ABI3BP: variants seen among roughly 807,000 people sequenced by gnomAD.
The protein encoded by ABI3BP is target of Nesh-SH3.
In ABI3BP, 216 loss-of-function variants were observed where a neutral mutation model predicts 268.6. The observed-to-expected ratio is 0.80, with a 90% CI of 0.72 to 0.90. ABI3BP has a LOEUF of 0.90. Among genes scored for constraint, ABI3BP ranks in the 40% least tolerant of loss-of-function variants. The probability of loss-of-function intolerance (pLI) is 0.00; values close to 1 mark genes in which losing one functional copy is unlikely to be tolerated. For missense variants in ABI3BP, 2,090 were observed against 2,182.4 expected (o/e 0.96, Z 0.84); for synonymous variants, 730 against 730.0 (o/e 1.00, Z 0.00).
At chr3:100,911,932 T>G in intron 2 of ABI3BP, 1 of 1,145,762 alleles carries the variant, frequency 8.7e-7, no homozygotes, top group Non-Finnish European at 1.3e-6. Context: ...GAGAATATTT[T>G]CTTCAGTGCT....
rs2098179535 is a variant in ABI3BP, at chr3:100,820,210, C to G, written c.3031+10G>C. 8 of 1,534,540 alleles carry G rather than the reference C, an allele frequency of 5.2e-6. No homozygotes were observed. The highest frequency in any genetic ancestry group is 7.0e-6 in the Non-Finnish European group (8 of 1,145,790). On this transcript the variant is annotated intron_variant, in intron 40 of 67. Coordinates refer to ENST00000471714, the MANE Select transcript of ABI3BP (RefSeq NM_001375547.2). ...AGGATGAGCTACTTTAACCAGAAAC[C>G]CAAATTTACCCAGTTTGGTTTGAGG...
At chr3:100,852,533 A>G in intron 14 of ABI3BP, among the ~76,000 whole-genome samples, 1 of 152,148 alleles carries the variant, frequency 6.6e-6, no homozygotes, top group East Asian at 1.9e-4. Context: ...TTTTTAGATA[A>G]CCAAGTTGTG....
rs140530036 is a variant in ABI3BP, at chr3:100,832,332, T to TTTG, written c.2330_2332dup (p.Thr777dup). The TTTG allele has an allele frequency of 8.7e-5, 133 of 1,535,294 alleles. 1 individual carries two copies. In the East Asian group the frequency reaches 2.3e-3, roughly 26 times the overall value. ...TTTGGGATGTGGACGACGGGTTCTT[T>TTTG]TTGTTGTTGTTGTTGGAGCTGAAGG... On this transcript the variant is annotated inframe_insertion, in exon 31 of 68. Transcript: ENST00000471714.
At chr3:100,796,490 A>G in intron 51 of ABI3BP, 22 bp from the exon 52 acceptor site, 1 of 1,578,210 alleles carries the variant, frequency 6.3e-7, no homozygotes, top group Non-Finnish European at 8.6e-7. Context: ...AGATTATAAA[A>G]CACTGCATAC....
chr3:100,935,987 T>C (rs2065951727), intron 1 of ABI3BP, among the ~76,000 whole-genome samples: 1 of 151,778 alleles, frequency 6.6e-6, no homozygotes, highest in South Asian at 2.1e-4. Context: ...CTTGCCTGAT[T>C]GCCCTGGCCA....
At chr3:100,981,069 A>G (rs1218714669) in intron 1 of ABI3BP, among the ~76,000 whole-genome samples, 1 of 152,214 alleles carries the variant, frequency 6.6e-6, no homozygotes, top group Admixed American at 6.5e-5. Flanking sequence ...TAGGAATGCT[A>G]TGGTGTGAAT....
chr3:100,895,075 T>C (rs1429007087), intron 4 of ABI3BP, among the ~76,000 whole-genome samples: 1 of 151,260 alleles, frequency 6.6e-6, no homozygotes, highest in African/African-American at 2.4e-5. Context: ...AAAGCAATCT[T>C]GAAATCTTTA....
In ABI3BP at chr3:100,812,540, A is replaced by G. The variant is rs762718041; in HGVS notation, c.3365-17T>C. On this transcript the variant is annotated splice_polypyrimidine_tract_variant and intron_variant, in intron 45 of 67. Coordinates refer to ENST00000471714, the MANE Select transcript of ABI3BP (RefSeq NM_001375547.2). ...CATCAGAAACTAGTAAAAAACAGAA[A>G]ATGGTACAATTGATAAAGGATAGGT... The G allele has an allele frequency of 3.5e-5, 46 of 1,310,814 alleles. No individual in the cohort carries two copies. The highest frequency in any genetic ancestry group is 4.5e-5 in the African/African-American group (3 of 66,048). The allele number at this position is 1,310,814 out of a possible 1,614,324, so 81.2% of individuals were successfully genotyped here. A position where few individuals can be genotyped will look rare whatever the true frequency, so the allele number is the denominator to read the frequency against.
At chr3:100,754,941 A>T (rs72930617) in intron 63 of ABI3BP, among the ~76,000 whole-genome samples, 6,165 of 152,270 alleles carry the variant, frequency 0.04, 373 homozygotes, top group African/African-American at 0.13. Context: ...AAATCTCCCA[A>T]TTAGTACAAA....
rs1208849234 is a variant in ABI3BP, at chr3:100,953,769, A to G, written c.80-27288T>C. On this transcript the variant is annotated intron_variant, in intron 1 of 67. Transcript: ENST00000471714. ...AGACTTCAGCTTAGCTTTGAAAATAAGAGTCAAATAAAAGGCAGGACTTGA... is the reference window on the plus strand; with the variant it reads ...AGACTTCAGCTTAGCTTTGAAAATAGGAGTCAAATAAAAGGCAGGACTTGA... Among the ~76,000 whole-genome samples the G allele has an allele frequency of 7.2e-5, 11 of 152,328 alleles. No homozygotes were observed. In the East Asian group the frequency reaches 2.1e-3, roughly 29 times the overall value.
intron 26 of ABI3BP, 84 bp downstream of exon 26, chr3:100,838,126 A>T: frequency 7.3e-7 from 1 of 1,375,248 alleles, no homozygotes; most frequent in Non-Finnish European, 1.0e-6. Context: ...TCTATGATTT[A>T]TATGATATGA....
At chr3:100,944,063 C>CTGGA (rs1012715874) in intron 1 of ABI3BP, among the ~76,000 whole-genome samples, 6 of 152,064 alleles carry the variant, frequency 3.9e-5, no homozygotes, top group Admixed American at 3.3e-4. Flanking sequence ...AAGCTAAATA[C>CTGGA]TGGACACTGA....
intron 58 of ABI3BP, 144 bp downstream of exon 58, chr3:100,779,988 A>C (rs2096821729): frequency 1.7e-6 from 1 of 606,028 alleles, no homozygotes; most frequent in South Asian, 2.2e-5. Flanking sequence ...ATGTTTTCCT[A>C]GCAATACCCA....
chr3:100,905,821 A>T (rs1038474020), intron 2 of ABI3BP, among the ~76,000 whole-genome samples: 1 of 152,136 alleles, frequency 6.6e-6, no homozygotes, highest in Non-Finnish European at 1.5e-5. Flanking sequence ...ATAATTTTAA[A>T]TTTTTTCTTT....
At chr3:100,807,966 G>A (rs922550765) in intron 50 of ABI3BP, among the ~76,000 whole-genome samples, 195 bp downstream of exon 50, 6 of 151,772 alleles carry the variant, frequency 4.0e-5, no homozygotes, top group Non-Finnish European at 5.9e-5. Context: ...GAAGCTTTGT[G>A]GAATAAGCTC....
intron 52 of ABI3BP, among the ~76,000 whole-genome samples, chr3:100,796,200 C>T (rs1020202303): frequency 2.0e-5 from 3 of 152,002 alleles, no homozygotes; most frequent in African/African-American, 7.2e-5. Context: ...GTGATCTACT[C>T]AATGAACCTA....
intron 4 of ABI3BP, among the ~76,000 whole-genome samples, chr3:100,887,335 C>A (rs1359489632): frequency 6.6e-6 from 1 of 152,016 alleles, no homozygotes; most frequent in African/African-American, 2.4e-5. Flanking sequence ...AAACAAATTA[C>A]AGATTGGTGC....
At chr3:100,822,742 A>C in intron 37 of ABI3BP, 70 bp from the exon 38 acceptor site, 1 of 1,366,600 alleles carries the variant, frequency 7.3e-7, no homozygotes, top group Non-Finnish European at 1.0e-6. Flanking sequence ...TGTGAGGTAA[A>C]AAAACATGAC....
intron 1 of ABI3BP, among the ~76,000 whole-genome samples, chr3:100,927,137 A>G (rs2062036771): frequency 6.6e-6 from 1 of 152,184 alleles, no homozygotes; most frequent in African/African-American, 2.4e-5. Flanking sequence ...TTAGCTTATA[A>G]GTGATAATTG....
Sources: allele counts gnomAD v4.1 joint callset (sites outside exome capture counted in the v4.1 genomes callset), GRCh38; gene constraint gnomAD v4.1.1; transcripts MANE v1.5; gene names NCBI Gene and HGNC (gene_info 2026-07-23, HGNC 2026-07-21).